KCTD1: variants seen among roughly 807,000 people sequenced by gnomAD.
KCTD1 encodes potassium channel tetramerization domain containing 1, also known as BTB/POZ domain-containing protein KCTD1.
KCTD1 carries 24 observed loss-of-function variants against 66.0 expected under a neutral mutation model. The observed-to-expected ratio is 0.36, with a 90% confidence interval of 0.26 to 0.51. The LOEUF (loss-of-function observed/expected upper bound fraction) is 0.51. KCTD1 is among the 20% of genes least tolerant of loss of function. KCTD1 has a pLI of 0.95. For synonymous variants in KCTD1, 511 were observed against 517.2 expected, an observed-to-expected ratio of 0.99 and a Z score of 0.16; for missense variants, 943 against 1,205.2, an observed-to-expected ratio of 0.78 and a Z score of 3.22.
intron 1 of KCTD1, among the ~76,000 whole-genome samples, chr18:26,503,740 C>A (rs1381365430): frequency 1.3e-5 from 2 of 151,196 alleles, no homozygotes; most frequent in Non-Finnish European, 2.9e-5. Context: ...CATAACTGAT[C>A]GGTTGAAGCA....
intron 1 of KCTD1, chr18:26,581,150 G>A (rs1212078956): frequency 6.6e-6 from 1 of 152,188 alleles, no homozygotes; most frequent in East Asian, 1.9e-4. Context: ...GATATGTTAA[G>A]TAAAACAAAC....
chr18:26,488,969 A>T (rs1245384023), intron 2 of KCTD1, among the ~76,000 whole-genome samples: 1 of 152,206 alleles, frequency 6.6e-6, no homozygotes, highest in Non-Finnish European at 1.5e-5. Context: ...CTGCCGTCAG[A>T]TTGGAGCTTC....
chr18:26,610,102 G>T (rs188206757), intron 1 of KCTD1, among the ~76,000 whole-genome samples: 1 of 152,232 alleles, frequency 6.6e-6, no homozygotes, highest in East Asian at 1.9e-4. Context: ...CTAAGATGTG[G>T]GTACATCTAT....
chr18:26,641,432 C>T (rs1987832480), upstream of KCTD1, among the ~76,000 whole-genome samples: 1 of 152,208 alleles, frequency 6.6e-6, no homozygotes, highest in African/African-American at 2.4e-5. Context: ...TCAGACACAG[C>T]TTTGTGAATG....
chr18:26,547,643 G>A lies in KCTD1; in HGVS notation c.894C>T (p.Phe298=), dbSNP rs1461962757. The change falls in exon 1 of 5, where the codon TTC becomes TTT. Residue 298 remains phenylalanine (F), a synonymous_variant. Transcript: ENST00000580059. The part of the protein sequence containing the change: ...DLRKLYTSSV[F]STNTPFGLLN... Reference sequence around the variant, plus strand: ...GCAGCCCGAAGGGCGTGTTGGTGCTGAAGACGCTGGAGGTGTACAGCTTGC... The same window carrying A: ...GCAGCCCGAAGGGCGTGTTGGTGCTAAAGACGCTGGAGGTGTACAGCTTGC... 2 of 1,551,520 alleles carry A rather than the reference G, an allele frequency of 1.3e-6. No individual in the cohort carries two copies. The highest frequency in any genetic ancestry group is 1.7e-6 in the Non-Finnish European group (2 of 1,146,978).
Position 26,486,365 on chromosome 18 carries a change from C to A in KCTD1, c.1989-9706G>T, listed in dbSNP as rs189168526. Among the ~76,000 whole-genome samples, 616 of 152,338 alleles carry A rather than the reference C, an allele frequency of 4.0e-3. 13 individuals are homozygous for A. The highest frequency in any genetic ancestry group is 0.034 in the Admixed American group (526 of 15,310). ...GCCAGCACATGCTCGATGCTGTCCC[C>A]GACTCACAGTGTCCGTCTGTCCCAG... On this transcript the variant is annotated intron_variant, in intron 2 of 4. Transcript: ENST00000580059.
intron 1 of KCTD1, among the ~76,000 whole-genome samples, chr18:26,605,413 T>C (rs78872421): frequency 1.6e-3 from 251 of 152,340 alleles, no homozygotes; most frequent in African/African-American, 5.7e-3. Context: ...CCTGAATTAC[T>C]ATGGTACTGT....
At chr18:26,577,677 CTAGGACTACGGGAG>C (rs1479866122) in intron 1 of KCTD1, among the ~76,000 whole-genome samples, 1 of 152,084 alleles carries the variant, frequency 6.6e-6, no homozygotes, top group Non-Finnish European at 1.5e-5. Flanking sequence ...TGCTGAATGG[CTAGGACTACGGGAG>C]TCCAACACCA....
intron 1 of KCTD1, among the ~76,000 whole-genome samples, chr18:26,588,297 A>AAG (rs1986515181): frequency 7.1e-6 from 1 of 140,954 alleles, no homozygotes; most frequent in African/African-American, 2.6e-5. Flanking sequence ...AAAGAGGGAA[A>AAG]GGAAGGGAAG....
At chr18:26,636,110 T>C (rs548000085) in intron 1 of KCTD1, among the ~76,000 whole-genome samples, 10 of 152,072 alleles carry the variant, frequency 6.6e-5, no homozygotes, top group East Asian at 3.9e-4. Flanking sequence ...CATTTGACGA[T>C]TGGGGGTATC....
At chr18:26,643,878 T>C (rs7228568), upstream of KCTD1, among the ~76,000 whole-genome samples, 2,521 of 151,950 alleles carry the variant, frequency 0.017, 46 homozygotes, top group African/African-American at 0.044. Context: ...AGGAGAATGG[T>C]GTGAACTCAG....
At chr18:26,524,494 A>G (rs556052265) in intron 1 of KCTD1, among the ~76,000 whole-genome samples, 9 of 152,336 alleles carry the variant, frequency 5.9e-5, no homozygotes, top group African/African-American at 2.2e-4. Context: ...CATTATTTAC[A>G]TGAGCCCCCA....
chr18:26,570,149 G>C (rs1986069425), intron 1 of KCTD1, among the ~76,000 whole-genome samples: 1 of 147,132 alleles, frequency 6.8e-6, no homozygotes, highest in Non-Finnish European at 1.5e-5. Context: ...TTGTGCCACT[G>C]CATTGCAGCC....
At chr18:26,533,376 G>C (rs1984540958) in intron 1 of KCTD1, among the ~76,000 whole-genome samples, 1 of 152,204 alleles carries the variant, frequency 6.6e-6, no homozygotes, top group African/African-American at 2.4e-5. Context: ...TAGGAAAAGG[G>C]GGCTAAGAGA....
intron 1 of KCTD1, among the ~76,000 whole-genome samples, chr18:26,639,415 T>C (rs964172751): frequency 6.6e-5 from 10 of 152,036 alleles, no homozygotes; most frequent in South Asian, 2.1e-4. Flanking sequence ...TGGGAGGTTA[T>C]TGAACCTTTT....
At chr18:26,650,187 G>A (rs1362384478) in intron 1 of KCTD1, among the ~76,000 whole-genome samples, 1 of 152,178 alleles carries the variant, frequency 6.6e-6, no homozygotes, top group Non-Finnish European at 1.5e-5. Flanking sequence ...GATCTAATTG[G>A]TTAGAAAAAG....
Position 26,462,942 on chromosome 18 carries a change from G to A in KCTD1, c.2134-3017C>T, listed in dbSNP as rs537382021. Among the ~76,000 whole-genome samples the A allele has an allele frequency of 1.4e-4, 22 of 152,218 alleles. No homozygotes were observed. In the East Asian group the frequency reaches 3.3e-3, roughly 23 times the overall value. ...TCCTTTCTGGGGCTTTTACAAACTCGAGATGATGGGTCTCTTGTTTCCAAG... is the reference window on the plus strand; with the variant it reads ...TCCTTTCTGGGGCTTTTACAAACTCAAGATGATGGGTCTCTTGTTTCCAAG... On this transcript the variant is annotated intron_variant, in intron 3 of 4. Coordinates refer to ENST00000580059, the MANE Select transcript of KCTD1 (RefSeq NM_001142730.3).
rs189910952 is a variant in KCTD1, at chr18:26,502,340, T to C, written c.1810-1090A>G. Among the ~76,000 whole-genome samples, 1,109 of 152,282 alleles carry C rather than the reference T, an allele frequency of 7.3e-3. 10 individuals are homozygous for C. The highest frequency in any genetic ancestry group is 0.024 in the African/African-American group (1,012 of 41,556). ...CTGGGATTACAGGGGTGAGCCACCG[T>C]GCCCAGCCCGCCCTGCTAATTTTTA... is the stretch of plus-strand genomic sequence containing the variant. On this transcript the variant is annotated intron_variant, in intron 1 of 4. Coordinates refer to ENST00000580059, the MANE Select transcript of KCTD1 (RefSeq NM_001142730.3).
At chr18:26,564,803 C>T (rs959878054) in intron 1 of KCTD1, among the ~76,000 whole-genome samples, 5 of 151,652 alleles carry the variant, frequency 3.3e-5, no homozygotes, top group Admixed American at 3.3e-4. Context: ...GCAGGAGAAT[C>T]GCTTGAACCC....
Sources: allele counts gnomAD v4.1 joint callset (sites outside exome capture counted in the v4.1 genomes callset), GRCh38; gene constraint gnomAD v4.1.1; transcripts MANE v1.5; gene names NCBI Gene and HGNC (gene_info 2026-07-23, HGNC 2026-07-21).